The following CSMD1 variants were observed in gnomAD, a reference collection of about 807,000 sequenced individuals.
CSMD1 encodes the protein CUB and sushi domain-containing protein 1.
Under a neutral mutation model 417.5 loss-of-function variants are expected in CSMD1, and 213 were observed. That is an observed-to-expected ratio of 0.51 (90% CI 0.46 to 0.57). The LOEUF is 0.57. Among genes scored for constraint, CSMD1 ranks in the 20% least tolerant of loss-of-function variants. The probability of loss-of-function intolerance (pLI) is 0.00; values close to 1 mark genes in which losing one functional copy is unlikely to be tolerated. For synonymous variants in CSMD1, 2,862 were observed against 1,736.8 expected, an observed-to-expected ratio of 1.65 and a Z score of -16.11; for missense variants, 6,923 against 4,529.7, an observed-to-expected ratio of 1.53 and a Z score of -15.17.
chr8:4,743,986 C>T (rs1465512845), intron 1 of CSMD1, among the ~76,000 whole-genome samples: 1 of 152,208 alleles, frequency 6.6e-6, no homozygotes, highest in African/African-American at 2.4e-5. Context: ...CTAAAACAAA[C>T]GTGTGTTAAA....
intron 25 of CSMD1, among the ~76,000 whole-genome samples, chr8:3,286,222 A>G (rs548043698): frequency 2.6e-5 from 4 of 152,118 alleles, no homozygotes; most frequent in Non-Finnish European, 5.9e-5. Context: ...AATCCAGTCT[A>G]TCATTGTTGG....
chr8:3,652,399 T>C (rs1275489125), intron 7 of CSMD1, among the ~76,000 whole-genome samples: 2 of 152,170 alleles, frequency 1.3e-5, no homozygotes, highest in Admixed American at 6.5e-5. Flanking sequence ...CACAAATACG[T>C]TGACTTGTTT....
At chr8:3,365,602 T>C (rs1390816982) in intron 20 of CSMD1, among the ~76,000 whole-genome samples, 1 of 152,196 alleles carries the variant, frequency 6.6e-6, no homozygotes, top group Non-Finnish European at 1.5e-5. Flanking sequence ...TCATCAAGAC[T>C]TACCTTAGAA....
chr8:4,871,093 G>A (rs1213915306), intron 1 of CSMD1, among the ~76,000 whole-genome samples: 2 of 152,156 alleles, frequency 1.3e-5, no homozygotes, highest in African/African-American at 2.4e-5. Context: ...CCTGGGCCAT[G>A]GGAGGAGGCA....
intron 54 of CSMD1, among the ~76,000 whole-genome samples, chr8:2,994,198 G>GAAGA (rs142605291): frequency 0.011 from 1,563 of 145,246 alleles, 25 homozygotes; most frequent in African/African-American, 0.039. Flanking sequence ...AAGTAAGAAG[G>GAAGA]AAGAAAGAAA....
intron 1 of CSMD1, among the ~76,000 whole-genome samples, chr8:4,639,011 G>C (rs1374722139): frequency 1.3e-5 from 2 of 152,248 alleles, no homozygotes; most frequent in East Asian, 3.9e-4. Context: ...TGAAAGAACA[G>C]CTCTGGGAGA....
intron 52 of CSMD1, among the ~76,000 whole-genome samples, chr8:3,009,544 T>C (rs781672943): frequency 3.3e-5 from 5 of 152,198 alleles, no homozygotes; most frequent in African/African-American, 4.8e-5. Context: ...GATTCACTTA[T>C]AGGCAGGAAA....
chr8:4,365,262 TC>T (rs1210826116), intron 3 of CSMD1, among the ~76,000 whole-genome samples: 4 of 152,234 alleles, frequency 2.6e-5, no homozygotes, highest in Non-Finnish European at 4.4e-5. Context: ...AATTTTACTT[TC>T]TTAAAGAAAA....
At chr8:3,481,793 G>A (rs535946830) in intron 11 of CSMD1, among the ~76,000 whole-genome samples, 2 of 152,290 alleles carry the variant, frequency 1.3e-5, no homozygotes, top group South Asian at 2.1e-4. Flanking sequence ...AGAAGAAAGG[G>A]ATGAATTCTT....
chr8:3,640,263 C>A (rs1240007087), intron 7 of CSMD1, among the ~76,000 whole-genome samples: 1 of 152,174 alleles, frequency 6.6e-6, no homozygotes, highest in African/African-American at 2.4e-5. Context: ...AATAAATTCA[C>A]TGAGGTAATG....
chr8:3,778,416 C>G (rs1362399973), intron 5 of CSMD1, among the ~76,000 whole-genome samples: 1 of 152,208 alleles, frequency 6.6e-6, no homozygotes, highest in Non-Finnish European at 1.5e-5. Context: ...AGATTCAACA[C>G]TTAAATGATC....
intron 1 of CSMD1, among the ~76,000 whole-genome samples, chr8:4,789,762 T>A (rs916762393): frequency 1.4e-4 from 21 of 150,652 alleles, no homozygotes; most frequent in African/African-American, 4.8e-4. Context: ...TGTAGTAAAT[T>A]TTTTAAGTTA....
intron 41 of CSMD1, among the ~76,000 whole-genome samples, chr8:3,137,733 T>C (rs1437005209): frequency 2.0e-5 from 3 of 152,130 alleles, no homozygotes; most frequent in East Asian, 1.9e-4. Context: ...CAGGGAACGA[T>C]GATAAGAAAA....
At chr8:3,474,733 G>C (rs1280685731) in intron 11 of CSMD1, among the ~76,000 whole-genome samples, 4 of 151,880 alleles carry the variant, frequency 2.6e-5, no homozygotes, top group Non-Finnish European at 5.9e-5. Flanking sequence ...ATGTTAAGTG[G>C]GAACTTACTA....
chr8:4,771,194 C>T (rs1478222740), intron 1 of CSMD1, among the ~76,000 whole-genome samples: 7 of 152,082 alleles, frequency 4.6e-5, no homozygotes, highest in East Asian at 3.9e-4. Context: ...AAATGGAGGC[C>T]GCTTTGCCTA....
intron 7 of CSMD1, among the ~76,000 whole-genome samples, chr8:3,707,566 C>A (rs892119328): frequency 6.6e-6 from 1 of 152,198 alleles, no homozygotes; most frequent in African/African-American, 2.4e-5. Flanking sequence ...GTACTCATCT[C>A]TCGTTTGTAA....
chr8:3,308,495 G>A lies in CSMD1; in HGVS notation c.3640C>T (p.Leu1214=), dbSNP rs1398896491. Residue 1214 remains leucine (L), a synonymous_variant, in exon 24 of 70, where the codon CTG becomes TTG. Coordinates refer to ENST00000635120, the MANE Select transcript of CSMD1 (RefSeq NM_033225.6). The part of the protein sequence containing the change: ...GFQLTYTSFD[L]VKCEDPGIPN... ...ATGCCCGGATCCTCACATTTTACCA[G>A]ATCAAAACCTGCAAGAGAGAAAGGC... 1.9e-6 allele frequency: 3 copies of A among 1,610,478 alleles called. No homozygotes were observed. The highest frequency in any genetic ancestry group is 2.5e-6 in the Non-Finnish European group (3 of 1,177,678).
chr8:4,978,390 A>G (rs974366243), intron 1 of CSMD1, among the ~76,000 whole-genome samples: 7 of 152,278 alleles, frequency 4.6e-5, no homozygotes, highest in African/African-American at 1.7e-4. Context: ...AACATTATTA[A>G]GCCCTCTATG....
chr8:3,919,387 G>T (rs55738548), intron 5 of CSMD1, among the ~76,000 whole-genome samples: 1 of 152,054 alleles, frequency 6.6e-6, no homozygotes, highest in Non-Finnish European at 1.5e-5. Context: ...ATGTGTTGAA[G>T]AGACTCTCTT....
Sources: gnomAD v4.1 joint callset for allele counts (sites outside exome capture counted in the v4.1 genomes callset) on GRCh38, gnomAD v4.1.1 for gene constraint, MANE v1.5 for transcripts, NCBI Gene and HGNC (gene_info 2026-07-23, HGNC 2026-07-21) for gene names.